Variants in TAFA1 observed in about 807,000 individuals in gnomAD.
TAFA1 encodes the protein chemokine-like protein TAFA-1.
Under a neutral mutation model 18.5 loss-of-function variants are expected in TAFA1, and 4 were observed. The ratio of observed to expected loss-of-function variants is 0.22; its 90% confidence interval spans 0.11 to 0.49. The LOEUF (loss-of-function observed/expected upper bound fraction) is 0.49, where lower values mean the gene tolerates loss of function less well. Ranked by LOEUF, TAFA1 falls within the 20% of genes least tolerant of loss-of-function variation. TAFA1 has a pLI of 0.98. For missense variants in TAFA1, 147 were observed against 169.0 expected (o/e 0.87, Z 0.72); for synonymous variants, 56 against 55.2 (o/e 1.01, Z -0.06).
chr3:68,078,359 T>G (rs1001114138), intron 2 of TAFA1, among the ~76,000 whole-genome samples: 1 of 151,862 alleles, frequency 6.6e-6, no homozygotes, highest in African/African-American at 2.4e-5. Flanking sequence ...TGAATAGGAG[T>G]GGTGAGAGAG....
chr3:68,295,208 T>A (rs2068185991), intron 2 of TAFA1, among the ~76,000 whole-genome samples: 1 of 151,946 alleles, frequency 6.6e-6, no homozygotes, highest in Admixed American at 6.6e-5. Flanking sequence ...ATGGAGAGAG[T>A]TAATTATTTA....
chr3:68,330,289 A>C (rs1311956793), intron 2 of TAFA1, among the ~76,000 whole-genome samples: 1 of 152,158 alleles, frequency 6.6e-6, no homozygotes, highest in African/African-American at 2.4e-5. Context: ...TGAAACCATC[A>C]ATCTGGCCAT....
intron 3 of TAFA1, among the ~76,000 whole-genome samples, chr3:68,501,273 A>C (rs759765369): frequency 6.6e-6 from 1 of 152,092 alleles, no homozygotes; most frequent in Non-Finnish European, 1.5e-5. Flanking sequence ...ACTCTATTGA[A>C]AATTGAATTA....
chr3:68,262,091 C>T (rs1575722962), intron 2 of TAFA1, among the ~76,000 whole-genome samples: 1 of 151,184 alleles, frequency 6.6e-6, no homozygotes. Flanking sequence ...GAGAAACGCT[C>T]TCTGCTCAAT....
intron 2 of TAFA1, among the ~76,000 whole-genome samples, chr3:68,184,514 A>G (rs7623620): frequency 0.023 from 3,567 of 152,222 alleles, 73 homozygotes; most frequent in Middle Eastern, 0.037. Context: ...CTCTATAAGG[A>G]TAAAAATTAT....
At chr3:68,202,352 CA>C (rs2066478245) in intron 2 of TAFA1, among the ~76,000 whole-genome samples, 1 of 151,542 alleles carries the variant, frequency 6.6e-6, no homozygotes, top group Non-Finnish European at 1.5e-5. Context: ...CATTGTTGCT[CA>C]AAGTGATTGT....
At chr3:68,332,607 T>C (rs1214199309) in intron 2 of TAFA1, among the ~76,000 whole-genome samples, 1 of 152,128 alleles carries the variant, frequency 6.6e-6, no homozygotes, top group Non-Finnish European at 1.5e-5. Context: ...AGGACCTGAA[T>C]AGACATTGTC....
intron 2 of TAFA1, among the ~76,000 whole-genome samples, chr3:68,387,059 A>T (rs994144793): frequency 3.4e-5 from 5 of 146,758 alleles, no homozygotes; most frequent in South Asian, 2.2e-4. Flanking sequence ...GCCTAATTTT[A>T]TTTTTTTTTT....
chr3:68,423,523 A>G lies in TAFA1; in HGVS notation c.259+6103A>G, dbSNP rs190727524. ...AATATCTGGGTGAGAGGGAAGTAAA[A>G]CCAACCATGTGGATACTTACAGAAA... On this transcript the variant is annotated intron_variant, in intron 3 of 4. Coordinates refer to ENST00000478136, the MANE Select transcript of TAFA1 (RefSeq NM_213609.4). 3.8e-3 allele frequency among the ~76,000 whole-genome samples: 586 copies of G among 152,254 alleles called. 7 individuals are homozygous for G. Among genetic ancestry groups the G allele is most frequent in the African/African-American group, 0.014 (562 of 41,570 alleles).
At chr3:68,383,223 T>C (rs1348947105) in intron 2 of TAFA1, among the ~76,000 whole-genome samples, 1 of 152,034 alleles carries the variant, frequency 6.6e-6, no homozygotes, top group African/African-American at 2.4e-5. Flanking sequence ...CAACACTATG[T>C]TGAATAGGAG....
rs2064832763 is a variant in TAFA1, at chr3:68,076,952, C to T, written c.118+70208C>T. On this transcript the variant is annotated intron_variant, in intron 2 of 4. Transcript: ENST00000478136. ...GTGTAAAAGTGTTCCTATTTCTCCA[C>T]ATCCTCTCCAGCACCTGTTGTTTCC... Among the ~76,000 whole-genome samples, 4 of 152,168 alleles carry T rather than the reference C, an allele frequency of 2.6e-5. No individual in the cohort carries two copies. In the South Asian group the frequency reaches 8.3e-4, roughly 32 times the overall value.
intron 2 of TAFA1, among the ~76,000 whole-genome samples, chr3:68,090,411 G>T (rs558960031): frequency 6.6e-6 from 1 of 152,220 alleles, no homozygotes; most frequent in South Asian, 2.1e-4. Flanking sequence ...TTAAGATTTG[G>T]TATCATTAGA....
In TAFA1 at chr3:68,545,382, T is replaced by C. The variant is rs910434443; in HGVS notation, c.*879T>C. The C allele has an allele frequency of 2.0e-5, 3 of 152,620 alleles. No homozygotes were observed. Among genetic ancestry groups the C allele is most frequent in the Admixed American group, 6.6e-5 (1 of 15,260 alleles). The allele number at this position is 152,620 out of a possible 1,614,324, so 9.5% of individuals were successfully genotyped here. A position where few individuals can be genotyped will look rare whatever the true frequency, so the allele number is the denominator to read the frequency against. ...ACAATGTCTTAAGGCTTTGTATAGCTGTCCTAGACTGCAGAAATGTCCTCT... is the reference window on the plus strand; with the variant it reads ...ACAATGTCTTAAGGCTTTGTATAGCCGTCCTAGACTGCAGAAATGTCCTCT... On this transcript the variant is annotated 3_prime_UTR_variant, in exon 5 of 5. Transcript: ENST00000478136.
intron 2 of TAFA1, among the ~76,000 whole-genome samples, chr3:68,408,217 C>G (rs1170343337): frequency 6.6e-6 from 1 of 152,148 alleles, no homozygotes; most frequent in Non-Finnish European, 1.5e-5. Context: ...TCTTAACTTT[C>G]TTTAAATATG....
intron 3 of TAFA1, among the ~76,000 whole-genome samples, chr3:68,533,961 A>T (rs1311219012): frequency 6.6e-6 from 1 of 152,160 alleles, no homozygotes; most frequent in South Asian, 2.1e-4. Flanking sequence ...ATCAGAAACA[A>T]AATTGGTCTA....
At chr3:68,207,231 G>A (rs1007025214) in intron 2 of TAFA1, among the ~76,000 whole-genome samples, 2 of 151,768 alleles carry the variant, frequency 1.3e-5, no homozygotes, top group Non-Finnish European at 2.9e-5. Context: ...GACCCATAAA[G>A]TTACTGTTTT....
chr3:67,997,393 C>T, the TAFA1 span, among the ~76,000 whole-genome samples: 4 of 152,142 alleles, frequency 2.6e-5, no homozygotes, highest in Admixed American at 2.0e-4. Flanking sequence ...CTGAAATAGA[C>T]TCAAGCAGTT....
chr3:68,108,534 G>A (rs988936961), intron 2 of TAFA1, among the ~76,000 whole-genome samples: 65 of 151,666 alleles, frequency 4.3e-4, no homozygotes, highest in African/African-American at 1.5e-3. Flanking sequence ...CTGTGCCTAC[G>A]GTATTAGGCT....
intron 2 of TAFA1, among the ~76,000 whole-genome samples, chr3:68,249,348 A>T (rs1447184011): frequency 1.3e-5 from 2 of 152,036 alleles, no homozygotes; most frequent in Middle Eastern, 3.2e-3. Flanking sequence ...CTTCAACTCC[A>T]CTAGCTCAGC....
Sources: allele counts gnomAD v4.1 joint callset (sites outside exome capture counted in the v4.1 genomes callset), GRCh38; gene constraint gnomAD v4.1.1; transcripts MANE v1.5; gene names NCBI Gene and HGNC (gene_info 2026-07-23, HGNC 2026-07-21).